The following HSBP1 variants were observed in gnomAD, a reference collection of about 807,000 sequenced individuals.
HSBP1 encodes heat shock factor binding protein 1, also known as heat shock factor-binding protein 1.
HSBP1 carries 5 observed loss-of-function variants against 9.6 expected under a neutral mutation model. The observed-to-expected ratio is 0.52, with a 90% CI of 0.27 to 1.09. The LOEUF (loss-of-function observed/expected upper bound fraction) is 1.09, where lower values mean the gene tolerates loss of function less well. Ranked by LOEUF, HSBP1 falls within the 50% of genes least tolerant of loss-of-function variation. The probability of loss-of-function intolerance (pLI) is 0.11; values close to 1 mark genes in which losing one functional copy is unlikely to be tolerated. For synonymous variants in HSBP1, 42 were observed against 33.3 expected (o/e 1.26, Z -0.90); for missense variants, 121 against 96.3 (o/e 1.26, Z -1.07).
In HSBP1 at chr16:83,814,029, A is replaced by T. The variant is rs1305127428; in HGVS notation, c.*2611A>T. 3.9e-5 allele frequency: 5 copies of T among 128,874 alleles called. No homozygotes were observed. The East Asian group carries it at 9.9e-4, about 26-fold the overall frequency. The allele number at this position is 128,874 out of a possible 1,614,324, so 8.0% of individuals were successfully genotyped here. ...CTTAGAGCACTGTTGCTATGGGAAC[A>T]TAGAGTCCTCCAAACAAAAGTGAAC... On this transcript the variant is annotated 3_prime_UTR_variant, in exon 4 of 4. Transcript: ENST00000433866.
Position 83,808,012 on chromosome 16 carries a change from T to A in HSBP1, c.-65T>A, listed in dbSNP as rs996896736. The A allele has an allele frequency of 1.4e-6, 2 of 1,418,638 alleles. No homozygotes were observed. Among genetic ancestry groups the A allele is most frequent in the African/African-American group, 3.0e-5 (2 of 66,796 alleles). 87.9% of individuals were successfully genotyped at this position (1,418,638 alleles called of 1,614,324 possible). A position where few individuals can be genotyped will look rare whatever the true frequency, so the allele number is the denominator to read the frequency against. ...GCGAGAAGCAGCGGCCCGGGGCGAC[T>A]GAGCGGACAAACGGAAGTGTAGGTT... On this transcript the variant is annotated 5_prime_UTR_variant, in exon 1 of 4. Coordinates refer to ENST00000433866, the MANE Select transcript of HSBP1 (RefSeq NM_001537.4).
Position 83,815,570 on chromosome 16 carries a change from A to G in HSBP1, c.*4152A>G, listed in dbSNP as rs1284281768. 6.6e-6 allele frequency: 1 copy of G among 151,592 alleles called. No homozygotes were observed. Among genetic ancestry groups the G allele is most frequent in the Admixed American group, 6.6e-5 (1 of 15,240 alleles). 9.4% of individuals were successfully genotyped at this position (151,592 alleles called of 1,614,324 possible). A position where few individuals can be genotyped will look rare whatever the true frequency, so the allele number is the denominator to read the frequency against. Reference sequence around the variant, plus strand: ...GGTCCTCACACCTGAGGCTCTCACTAAGAGGTGGCTGGAAGCTCCTCAGAC... The same window carrying G: ...GGTCCTCACACCTGAGGCTCTCACTGAGAGGTGGCTGGAAGCTCCTCAGAC... On this transcript the variant is annotated 3_prime_UTR_variant, in exon 4 of 4. Coordinates refer to ENST00000433866, the MANE Select transcript of HSBP1 (RefSeq NM_001537.4).
At position 83,808,011 on chromosome 16, in the gene HSBP1, C is replaced by T. The variant is rs1904498361; in HGVS notation, c.-66C>T. On this transcript the variant is annotated 5_prime_UTR_variant, in exon 1 of 4. Coordinates refer to ENST00000433866, the MANE Select transcript of HSBP1 (RefSeq NM_001537.4). ...CGCGAGAAGCAGCGGCCCGGGGCGA[C>T]TGAGCGGACAAACGGAAGTGTAGGT... is the stretch of plus-strand genomic sequence containing the variant. The T allele has an allele frequency of 4.3e-6, 6 of 1,409,432 alleles. No individual in the cohort carries two copies. The highest frequency in any genetic ancestry group is 3.8e-6 in the Non-Finnish European group (4 of 1,046,636). The allele number at this position is 1,409,432 out of a possible 1,614,324, so 87.3% of individuals were successfully genotyped here. A position where few individuals can be genotyped will look rare whatever the true frequency, so the allele number is the denominator to read the frequency against.
rs1036353653 is a variant in HSBP1, at chr16:83,812,267, A to G, written c.*849A>G. ...AAGAAAGAGAGAAGGAAAAGAGACC[A>G]TATTAAGTCCATGCCAGTTGCTTGG... is the stretch of plus-strand genomic sequence containing the variant. On this transcript the variant is annotated 3_prime_UTR_variant, in exon 4 of 4. Transcript: ENST00000433866. 6.6e-6 allele frequency: 1 copy of G among 152,658 alleles called. No homozygotes were observed. Among genetic ancestry groups the G allele is most frequent in the African/African-American group, 2.4e-5 (1 of 41,478 alleles). 9.5% of individuals were successfully genotyped at this position (152,658 alleles called of 1,614,324 possible). A position where few individuals can be genotyped will look rare whatever the true frequency, so the allele number is the denominator to read the frequency against.
At chr16:83,810,340 G>C (rs1421151213) in intron 3 of HSBP1, among the ~76,000 whole-genome samples, 1 of 152,078 alleles carries the variant, frequency 6.6e-6, no homozygotes, top group Admixed American at 6.6e-5. Context: ...TCACTCAGCA[G>C]AGTGCATGGT....
At chr16:83,809,938 C>T (rs766069505) in intron 3 of HSBP1, among the ~76,000 whole-genome samples, 8 of 152,144 alleles carry the variant, frequency 5.3e-5, no homozygotes, top group Non-Finnish European at 8.8e-5. Flanking sequence ...TCATTCTTTA[C>T]ACCGAATTTA....
At chr16:83,808,425 C>A in intron 1 of HSBP1, 3 of 570,474 alleles carry the variant, frequency 5.3e-6, no homozygotes, top group Non-Finnish European at 9.3e-6. Flanking sequence ...TCCTCACACA[C>A]CCCCGGGTGC....
At chr16:83,810,991 G>T (rs1033968796) in intron 3 of HSBP1, among the ~76,000 whole-genome samples, 1 of 152,224 alleles carries the variant, frequency 6.6e-6, no homozygotes, top group African/African-American at 2.4e-5. Context: ...TATCTTCACA[G>T]TAGGTGGGGT....
In HSBP1 at chr16:83,811,594, G is replaced by T. The variant is rs1026391420; in HGVS notation, c.*176G>T. On this transcript the variant is annotated 3_prime_UTR_variant, in exon 4 of 4. Transcript: ENST00000433866. The stretch of plus-strand genomic sequence containing the variant: ...ATTTCCCCCCAGTTTCTTGAACATG[G>T]TATCTTCACATCTTGGACCTTGGTC... The T allele has an allele frequency of 6.6e-6, 1 of 152,176 alleles. No individual in the cohort carries two copies. Among genetic ancestry groups the T allele is most frequent in the Non-Finnish European group, 1.5e-5 (1 of 68,044 alleles). 9.4% of individuals were successfully genotyped at this position (152,176 alleles called of 1,614,324 possible).
At chr16:83,808,232 C>A in intron 1 of HSBP1, 111 bp downstream of exon 1, 1 of 940,326 alleles carries the variant, frequency 1.1e-6, no homozygotes, top group Middle Eastern at 2.6e-4. Flanking sequence ...TCTGCCGAGG[C>A]CCCGTTTCTG....
chr16:83,813,227 GC>G lies in HSBP1; in HGVS notation c.*1813del, dbSNP rs1904641799. 1 of 152,272 alleles carries G rather than the reference GC, an allele frequency of 6.6e-6. No individual in the cohort carries two copies. Among genetic ancestry groups the G allele is most frequent in the Non-Finnish European group, 1.5e-5 (1 of 68,084 alleles). 9.4% of individuals were successfully genotyped at this position (152,272 alleles called of 1,614,324 possible). ...TCTCAGGTGTGTTCCCAGAACTCTTGCCCCTGGAGATGCTGCAGGAAGGAAG... is the reference window on the plus strand; with the variant it reads ...TCTCAGGTGTGTTCCCAGAACTCTTGCCCTGGAGATGCTGCAGGAAGGAAG... On this transcript the variant is annotated 3_prime_UTR_variant, in exon 4 of 4. Transcript: ENST00000433866.
In HSBP1 at chr16:83,815,495, G is replaced by C. The variant is rs1904698523; in HGVS notation, c.*4077G>C. 1 of 136,442 alleles carries C rather than the reference G, an allele frequency of 7.3e-6. No individual in the cohort carries two copies. Among genetic ancestry groups the C allele is most frequent in the African/African-American group, 2.8e-5 (1 of 35,696 alleles). The allele number at this position is 136,442 out of a possible 1,614,324, so 8.5% of individuals were successfully genotyped here. A position where few individuals can be genotyped will look rare whatever the true frequency, so the allele number is the denominator to read the frequency against. ...CGACTCCACTCCAGCCGGGGTGACA[G>C]AGCAAGACCCTGTCTCAAAAAAAAA... On this transcript the variant is annotated 3_prime_UTR_variant, in exon 4 of 4. Coordinates refer to ENST00000433866, the MANE Select transcript of HSBP1 (RefSeq NM_001537.4).
Position 83,809,354 on chromosome 16 carries a change from C to G in HSBP1, c.162C>G (p.Asp54Glu). ...RIDDLEKNIA[D>E]LMTQAGVEEL... ...ATGATCTGGAAAAGAATATCGCGGA[C>G]CTCATGACACAGGCTGGGGTGGAAG... Residue 54 changes from aspartate (D) to glutamate (E), a missense_variant, in exon 3 of 4, where the codon GAC becomes GAG. Asp to Glu is a conservative substitution (Grantham distance 45). Coordinates refer to ENST00000433866, the MANE Select transcript of HSBP1 (RefSeq NM_001537.4). The G allele has an allele frequency of 6.2e-7, 1 of 1,604,086 alleles. No individual in the cohort carries two copies. Among genetic ancestry groups the G allele is most frequent in the Non-Finnish European group, 8.5e-7 (1 of 1,175,298 alleles).
In HSBP1 at chr16:83,814,700, A is replaced by G. The variant is rs897483592; in HGVS notation, c.*3282A>G. Reference sequence around the variant, plus strand: ...TGACCTAAAATTAAGTAATAAACACACTGGATGTGAGTTTTTATTTGGAAT... The same window carrying G: ...TGACCTAAAATTAAGTAATAAACACGCTGGATGTGAGTTTTTATTTGGAAT... On this transcript the variant is annotated 3_prime_UTR_variant, in exon 4 of 4. Transcript: ENST00000433866. 6.6e-6 allele frequency: 1 copy of G among 152,264 alleles called. No individual in the cohort carries two copies. The highest frequency in any genetic ancestry group is 1.5e-5 in the Non-Finnish European group (1 of 68,034). The allele number at this position is 152,264 out of a possible 1,614,324, so 9.4% of individuals were successfully genotyped here.
rs1001161436 is a variant in HSBP1, at chr16:83,818,283, C to T, written c.*6865C>T. ...TTTCTCAAACTTGGACAAGTCTTAA[C>T]AATAATCTGTGACCCAACTTTGTCT... On this transcript the variant is annotated 3_prime_UTR_variant, in exon 4 of 4. Transcript: ENST00000433866. 6.6e-6 allele frequency: 1 copy of T among 152,176 alleles called. No individual in the cohort carries two copies. Among genetic ancestry groups the T allele is most frequent in the African/African-American group, 2.4e-5 (1 of 41,444 alleles). The allele number at this position is 152,176 out of a possible 1,614,324, so 9.4% of individuals were successfully genotyped here.
rs1043691343 is a variant in HSBP1, at chr16:83,812,357, G to C, written c.*939G>C. 6.6e-6 allele frequency: 1 copy of C among 152,184 alleles called. No individual in the cohort carries two copies. The highest frequency in any genetic ancestry group is 1.5e-5 in the Non-Finnish European group (1 of 68,032). The allele number at this position is 152,184 out of a possible 1,614,324, so 9.4% of individuals were successfully genotyped here. A position where few individuals can be genotyped will look rare whatever the true frequency, so the allele number is the denominator to read the frequency against. On this transcript the variant is annotated 3_prime_UTR_variant, in exon 4 of 4. Transcript: ENST00000433866. ...TAAAAAACACTATTTTACTTAAACT[G>C]TTTCTTATCTAAATTCTTGCAGAGT...
Position 83,808,752 on chromosome 16 carries a change from C to G in HSBP1, c.112+6C>G, listed in dbSNP as rs1485230706. On this transcript the variant is annotated splice_donor_region_variant and intron_variant, in intron 2 of 3. Transcript: ENST00000433866. ...TGACCAGATCATTGGGAGAAATATCCTTTTTATCTGCAGTCGGCCTCCTGT... is the reference window on the plus strand; with the variant it reads ...TGACCAGATCATTGGGAGAAATATCGTTTTTATCTGCAGTCGGCCTCCTGT... 1.9e-6 allele frequency: 3 copies of G among 1,605,346 alleles called. No homozygotes were observed. Among genetic ancestry groups the G allele is most frequent in the Non-Finnish European group, 2.6e-6 (3 of 1,173,488 alleles).
chr16:83,812,505 T>C lies in HSBP1; in HGVS notation c.*1087T>C, dbSNP rs377497948. On this transcript the variant is annotated 3_prime_UTR_variant, in exon 4 of 4. Transcript: ENST00000433866. ...CTGATGACCTGGAAGGTGATCCATA[T>C]GATTGTCACCACAAAGTGCTTTTAC... 5 of 152,242 alleles carry C rather than the reference T, an allele frequency of 3.3e-5. No individual in the cohort carries two copies. The highest frequency in any genetic ancestry group is 1.2e-4 in the African/African-American group (5 of 41,464). The allele number at this position is 152,242 out of a possible 1,614,324, so 9.4% of individuals were successfully genotyped here. A position where few individuals can be genotyped will look rare whatever the true frequency, so the allele number is the denominator to read the frequency against.
Position 83,808,701 on chromosome 16 carries a change from A to G in HSBP1, c.67A>G (p.Met23Val), listed in dbSNP as rs1454558253. 3 of 1,612,904 alleles carry G rather than the reference A, an allele frequency of 1.9e-6. No individual in the cohort carries two copies. Among genetic ancestry groups the G allele is most frequent in the Non-Finnish European group, 2.5e-6 (3 of 1,179,058 alleles). ...TSVVQTLLQQMQDKFQTMSDQ... is the reference protein window; with the variant it reads ...TSVVQTLLQQVQDKFQTMSDQ... The stretch of plus-strand genomic sequence containing the variant: ...TTAGGTGCAGACACTCCTGCAGCAG[A>G]TGCAAGATAAATTTCAGACCATGTC... Residue 23 changes from methionine to valine, a missense_variant, in exon 2 of 4, where the codon ATG (methionine) becomes GTG (valine). Coordinates refer to ENST00000433866, the MANE Select transcript of HSBP1 (RefSeq NM_001537.4).
Sources: gnomAD v4.1 joint callset for allele counts (sites outside exome capture counted in the v4.1 genomes callset) on GRCh38, gnomAD v4.1.1 for gene constraint, MANE v1.5 for transcripts, NCBI Gene and HGNC (gene_info 2026-07-23, HGNC 2026-07-21) for gene names.